The following SRRM3 variants were observed in gnomAD, a reference collection of about 807,000 sequenced individuals.
SRRM3 encodes serine/arginine repetitive matrix protein 3.
In SRRM3, 27 loss-of-function variants were observed where a neutral mutation model predicts 66.2. The ratio of observed to expected loss-of-function variants is 0.41; its 90% CI spans 0.30 to 0.56. The LOEUF (loss-of-function observed/expected upper bound fraction) is 0.56. SRRM3 is among the 20% of genes least tolerant of loss of function. The pLI is 0.32. For synonymous variants in SRRM3, 391 were observed against 414.9 expected, an observed-to-expected ratio of 0.94 and a Z score of 0.70; for missense variants, 918 against 991.9, an observed-to-expected ratio of 0.93 and a Z score of 1.00.
rs141154539 is a variant in SRRM3 at position 76,210,980 on chromosome 7, G to A, written c.-40+8913G>A. 8.3e-3 allele frequency among the ~76,000 whole-genome samples: 1,260 copies of A among 152,134 alleles called. 21 individuals carry two copies. The highest frequency in any genetic ancestry group is 0.029 in the African/African-American group (1,183 of 41,490). Reference sequence around the variant, plus strand: ...ACTACACCCGGCTAATTTTTTTTGTGTGTGTGTATTTTTAGTAGAGACAGG... The same window carrying A: ...ACTACACCCGGCTAATTTTTTTTGTATGTGTGTATTTTTAGTAGAGACAGG... On this transcript the variant is annotated intron_variant, in intron 1 of 14. Transcript: ENST00000611745.
intron 8 of SRRM3, among the ~76,000 whole-genome samples, chr7:76,261,797 C>T (rs575243413): frequency 3.2e-4 from 49 of 152,046 alleles, no homozygotes; most frequent in Non-Finnish European, 5.6e-4. Flanking sequence ...TCAGCCATGA[C>T]GTGGTGACCC....
At chr7:76,255,338 G>A (rs1259060006) in intron 3 of SRRM3, among the ~76,000 whole-genome samples, 5 of 151,666 alleles carry the variant, frequency 3.3e-5, no homozygotes, top group South Asian at 2.1e-4. Flanking sequence ...TAGTAGAGAC[G>A]GGGTTTCTCC....
At chr7:76,235,763 TG>T in intron 2 of SRRM3, among the ~76,000 whole-genome samples, 2 of 151,790 alleles carry the variant, frequency 1.3e-5, no homozygotes, top group South Asian at 4.2e-4. Flanking sequence ...CCCAGAACTT[TG>T]GGGGGCCTAG....
At chr7:76,248,162 C>T in intron 2 of SRRM3, 26 bp from the exon 3 acceptor site, 1 of 1,591,514 alleles carries the variant, frequency 6.3e-7, no homozygotes, top group South Asian at 1.1e-5. Flanking sequence ...GAGACCAGCC[C>T]CTTCACCCTC....
At chr7:76,211,428 G>A (rs1800428835) in intron 1 of SRRM3, among the ~76,000 whole-genome samples, 1 of 150,916 alleles carries the variant, frequency 6.6e-6, no homozygotes, top group Admixed American at 6.6e-5. Flanking sequence ...GGCGGGGGGG[G>A]AATTATTGCC....
intron 1 of SRRM3, among the ~76,000 whole-genome samples, chr7:76,204,959 G>A (rs930448194): frequency 6.6e-6 from 1 of 152,064 alleles, no homozygotes; most frequent in Non-Finnish European, 1.5e-5. Context: ...GCTTCTCCCA[G>A]CTCCTTTCTC....
chr7:76,263,587 C>T (rs908339575), intron 8 of SRRM3, among the ~76,000 whole-genome samples: 8 of 152,022 alleles, frequency 5.3e-5, no homozygotes, highest in African/African-American at 1.7e-4. Context: ...TGGCCAGGCA[C>T]GGTGGCTCAC....
intron 2 of SRRM3, among the ~76,000 whole-genome samples, chr7:76,239,997 C>T (rs1336412629): frequency 6.6e-6 from 1 of 151,558 alleles, no homozygotes; most frequent in East Asian, 2.0e-4. Flanking sequence ...AACCCCATCT[C>T]TACTAAAAAT....
Position 76,282,687 on chromosome 7 carries a change from C to G in SRRM3, c.1410C>G (p.Thr470=), listed in dbSNP as rs1802556341. Residue 470 remains threonine (T), a synonymous_variant, in exon 13 of 15, where the codon ACC becomes ACG. Coordinates refer to ENST00000611745, the MANE Select transcript of SRRM3 (RefSeq NM_001110199.3). ...CCCCGCGCGCGCGGCCCGCCAGCAC[C>G]TCTCCGTCCCCGGGCGCGCACGGCC... ...ERPPRARPAS[T]SPSPGAHGRR... 11 of 1,426,746 alleles carry G rather than the reference C, an allele frequency of 7.7e-6. No homozygotes were observed. The highest frequency in any genetic ancestry group is 1.0e-5 in the Non-Finnish European group (11 of 1,097,232). 88.4% of individuals were successfully genotyped at this position (1,426,746 alleles called of 1,614,324 possible). A position where few individuals can be genotyped will look rare whatever the true frequency, so the allele number is the denominator to read the frequency against.
At position 76,285,775 on chromosome 7, in the gene SRRM3, C is replaced by T. The variant is rs370982063; in HGVS notation, c.1894C>T (p.Arg632Cys). The T allele has an allele frequency of 6.4e-6, 10 of 1,550,800 alleles. No homozygotes were observed. Among genetic ancestry groups the T allele is most frequent in the Non-Finnish European group, 7.8e-6 (9 of 1,147,106 alleles). ...CAGCCATGGGACCCGCAGCCGGACA[C>T]GCAGCCCCTCGAGGACCCCCAGTCC... ...SRSHGTRSRT[R>C]SPSRTPSPSY... Residue 632 changes from arginine (R) to cysteine (C), a missense_variant, in exon 15 of 15, where the codon CGC becomes TGC. By Grantham distance (180) the Arg-to-Cys change is radical. Coordinates refer to ENST00000611745, the MANE Select transcript of SRRM3 (RefSeq NM_001110199.3). This position sits in a 1 kb window ranked among gnomAD's most constrained non-coding sequence, Gnocchi z 4.1.
In SRRM3 at chr7:76,285,696, GAGCCAC is replaced by G. The variant is rs1802648454; in HGVS notation, c.1820_1825del (p.His607_Ser608del). On this transcript the variant is annotated inframe_deletion, in exon 15 of 15. Transcript: ENST00000611745. The surrounding 1 kb of genome is among the most constrained non-coding windows in gnomAD (Gnocchi z 4.1). Reference sequence around the variant, plus strand: ...GCTTGAGCAGCGACTACTCGACCCGGAGCCACAGCCGCAGCCCCAGCCCCGGCCACA... The same window carrying G: ...GCTTGAGCAGCGACTACTCGACCCGGAGCCGCAGCCCCAGCCCCGGCCACA... 12 of 1,551,014 alleles carry G rather than the reference GAGCCAC, an allele frequency of 7.7e-6. No homozygotes were observed. The East Asian group carries it at 2.4e-4, about 32-fold the overall frequency.
Position 76,267,263 on chromosome 7 carries a change from G to A in SRRM3, c.836G>A (p.Ser279Asn). 1 of 1,547,362 alleles carries A rather than the reference G, an allele frequency of 6.5e-7. No homozygotes were observed. The highest frequency in any genetic ancestry group is 8.7e-7 in the Non-Finnish European group (1 of 1,153,740). ...TTCCTGGCGCCTAACCCCAGGCTGA[G>A]CCCCAAGCACCGAGACGAAGGGCGA... Reference protein sequence around the residue: ...YSDSRSPSRLSPKHRDEGRKT... With the variant: ...YSDSRSPSRLNPKHRDEGRKT... Residue 279 changes from serine to asparagine, a missense_variant, in exon 11 of 15, where the codon AGC becomes AAC. Transcript: ENST00000611745.
intron 1 of SRRM3, among the ~76,000 whole-genome samples, chr7:76,216,466 C>T (rs1800574026): frequency 1.3e-5 from 2 of 152,238 alleles, no homozygotes; most frequent in Admixed American, 6.5e-5. Flanking sequence ...CTTGACTTTT[C>T]CACTGAGTCC....
rs375577250 is a variant in SRRM3, at chr7:76,286,102, G to C, written c.*259G>C. 3 of 561,136 alleles carry C rather than the reference G, an allele frequency of 5.3e-6. No individual in the cohort carries two copies. Among genetic ancestry groups the C allele is most frequent in the African/African-American group, 3.8e-5 (2 of 52,786 alleles). The allele number at this position is 561,136 out of a possible 1,614,324, so 34.8% of individuals were successfully genotyped here. A position where few individuals can be genotyped will look rare whatever the true frequency, so the allele number is the denominator to read the frequency against. Reference sequence around the variant, plus strand: ...CACTGTGCCCGGGGAACAAAGAGCCGTTACGAACACAGGAATCTCCCCATC... The same window carrying C: ...CACTGTGCCCGGGGAACAAAGAGCCCTTACGAACACAGGAATCTCCCCATC... On this transcript the variant is annotated 3_prime_UTR_variant, in exon 15 of 15. Coordinates refer to ENST00000611745, the MANE Select transcript of SRRM3 (RefSeq NM_001110199.3).
intron 11 of SRRM3, among the ~76,000 whole-genome samples, chr7:76,275,604 A>C (rs782806848): frequency 6.6e-6 from 1 of 151,686 alleles, no homozygotes; most frequent in Non-Finnish European, 1.5e-5. Context: ...GTCCTTGAGG[A>C]GTTTCTGATA....
intron 8 of SRRM3, 61 bp from the exon 9 acceptor site, chr7:76,264,704 A>G: frequency 6.4e-7 from 1 of 1,570,330 alleles, no homozygotes; most frequent in Non-Finnish European, 8.8e-7. Context: ...CCCAGGCTCC[A>G]GGGCACGAAG....
intron 1 of SRRM3, among the ~76,000 whole-genome samples, chr7:76,234,711 C>T (rs1357753619): frequency 6.6e-6 from 1 of 152,130 alleles, no homozygotes; most frequent in Non-Finnish European, 1.5e-5. Flanking sequence ...CCCAAGCATT[C>T]GTGCAAGCCA....
intron 1 of SRRM3, among the ~76,000 whole-genome samples, chr7:76,216,414 T>C (rs1243810883): frequency 6.6e-6 from 1 of 152,196 alleles, no homozygotes; most frequent in African/African-American, 2.4e-5. Flanking sequence ...TGGGATTACA[T>C]GCATGAGCCA....
chr7:76,281,503 C>T lies in SRRM3; in HGVS notation c.1071C>T (p.Pro357=). The change falls in exon 12 of 15, where the codon CCC becomes CCT. Residue 357 remains proline, a synonymous_variant. Transcript: ENST00000611745. Reference sequence around the variant, plus strand: ...CGGCGGCCGCCGCACCCACGCCGCCCGCGCGGGGGAAGGAGAGCCCGAGCC... The same window carrying T: ...CGGCGGCCGCCGCACCCACGCCGCCTGCGCGGGGGAAGGAGAGCCCGAGCC... ...DKAAAAAPTP[P]ARGKESPSPR... 8.2e-7 allele frequency: 1 copy of T among 1,217,318 alleles called. No homozygotes were observed. The highest frequency in any genetic ancestry group is 3.2e-5 in the East Asian group (1 of 30,790). The allele number at this position is 1,217,318 out of a possible 1,614,324, so 75.4% of individuals were successfully genotyped here. A position where few individuals can be genotyped will look rare whatever the true frequency, so the allele number is the denominator to read the frequency against.
Sources: allele counts gnomAD v4.1 joint callset (sites outside exome capture counted in the v4.1 genomes callset), GRCh38; gene constraint gnomAD v4.1.1; non-coding constraint Gnocchi (gnomAD v3.1); transcripts MANE v1.5; gene names NCBI Gene and HGNC (gene_info 2026-07-23, HGNC 2026-07-21).